Variants in ZFHX3 observed in about 807,000 individuals in gnomAD.
ZFHX3 encodes zinc finger homeobox protein 3.
In ZFHX3, 42 loss-of-function variants were observed where a neutral mutation model predicts 279.1. The ratio of observed to expected loss-of-function variants is 0.15; its 90% CI spans 0.12 to 0.19. The LOEUF (loss-of-function observed/expected upper bound fraction) is 0.19. ZFHX3 is among the 10% of genes least tolerant of loss of function. The probability of loss-of-function intolerance (pLI) is 1.00; values close to 1 mark genes in which losing one functional copy is unlikely to be tolerated. For synonymous variants in ZFHX3, 2,293 were observed against 1,957.8 expected (o/e 1.17, Z -4.52); for missense variants, 4,981 against 4,754.0 (o/e 1.05, Z -1.40).
At chr16:73,391,831 A>G (rs929133383) in intron 3 of ZFHX3, among the ~76,000 whole-genome samples, 2 of 152,168 alleles carry the variant, frequency 1.3e-5, no homozygotes, top group African/African-American at 4.8e-5. Context: ...ATCTGGATAC[A>G]TTGAGAGATG....
chr16:73,215,278 C>G (rs1203817908), intron 5 of ZFHX3, among the ~76,000 whole-genome samples: 1 of 152,186 alleles, frequency 6.6e-6, no homozygotes, highest in East Asian at 1.9e-4. Flanking sequence ...CAAAGCAAAA[C>G]AGTAGTAGCT....
chr16:73,407,704 T>C (rs1567474632), intron 3 of ZFHX3, among the ~76,000 whole-genome samples: 1 of 152,202 alleles, frequency 6.6e-6, no homozygotes, highest in Non-Finnish European at 1.5e-5. Flanking sequence ...ATATAGCAAA[T>C]GCAGGTTAAG....
chr16:73,868,293 C>T (rs1182195006), intron 1 of ZFHX3, among the ~76,000 whole-genome samples: 1 of 152,210 alleles, frequency 6.6e-6, no homozygotes. Flanking sequence ...GAGGCCAAGG[C>T]AGGCGATCAC....
intron 5 of ZFHX3, among the ~76,000 whole-genome samples, chr16:73,222,887 A>C (rs1362567648): frequency 3.3e-5 from 5 of 152,188 alleles, no homozygotes; most frequent in African/African-American, 1.2e-4. Flanking sequence ...GATCACTGGA[A>C]CAGAATAAAA....
chr16:73,366,631 C>G (rs2143327587), intron 3 of ZFHX3, among the ~76,000 whole-genome samples: 1 of 149,720 alleles, frequency 6.7e-6, no homozygotes, highest in Admixed American at 6.6e-5. Flanking sequence ...GACAGATAAG[C>G]AACTCCATGG....
At position 72,957,445 on chromosome 16, in the gene ZFHX3, C is replaced by T. The variant is rs148024459; in HGVS notation, c.2701G>A (p.Ala901Thr). 1.1e-5 allele frequency: 18 copies of T among 1,609,752 alleles called. No individual in the cohort carries two copies. Among genetic ancestry groups the T allele is most frequent in the Admixed American group, 3.4e-5 (2 of 59,566 alleles). Residue 901 changes from alanine (A) to threonine (T), a missense_variant, in exon 2 of 10, where the codon GCC becomes ACC. Ala to Thr is a moderately conservative substitution (Grantham distance 58, BLOSUM62 0). Coordinates refer to ENST00000268489, the MANE Select transcript of ZFHX3 (RefSeq NM_006885.4). ...FQLDPAGPMA[A>T]MTPALVGGEI... ...TCCTCACCTAGAGCAGGCGTCATGG[C>T]GGCCATGGGCCCGGCGGGATCCAGC...
At chr16:73,218,685 C>T (rs963585773) in intron 5 of ZFHX3, among the ~76,000 whole-genome samples, 2 of 152,164 alleles carry the variant, frequency 1.3e-5, no homozygotes, top group Non-Finnish European at 2.9e-5. Flanking sequence ...AGTAGAATTG[C>T]TTGAACCCGG....
intron 3 of ZFHX3, among the ~76,000 whole-genome samples, chr16:72,915,828 C>G (rs2039428725): frequency 6.6e-6 from 1 of 151,958 alleles, no homozygotes; most frequent in South Asian, 2.1e-4. Context: ...TTATAAAATG[C>G]AGAAAAGTGT....
intron 2 of ZFHX3, among the ~76,000 whole-genome samples, chr16:73,644,675 C>T (rs1451781013): frequency 2.1e-5 from 2 of 94,912 alleles, no homozygotes; most frequent in Non-Finnish European, 5.5e-5. Context: ...CAAAATAAAA[C>T]AAAACTAAAC....
chr16:73,387,581 G>GA (rs1445809900), intron 3 of ZFHX3, among the ~76,000 whole-genome samples: 1 of 151,898 alleles, frequency 6.6e-6, no homozygotes, highest in East Asian at 1.9e-4. Context: ...AAAACCCACG[G>GA]AAAAATAGCC....
chr16:73,534,496 C>T (rs1424091474), intron 2 of ZFHX3, among the ~76,000 whole-genome samples: 1 of 152,128 alleles, frequency 6.6e-6, no homozygotes, highest in Non-Finnish European at 1.5e-5. Flanking sequence ...TGGTGTTTAT[C>T]GTTTGTCTGC....
chr16:73,529,808 C>A (rs1007325433), intron 2 of ZFHX3, among the ~76,000 whole-genome samples: 5 of 152,184 alleles, frequency 3.3e-5, no homozygotes, highest in African/African-American at 1.2e-4. Flanking sequence ...AACTGATGCA[C>A]CTGTTTCTCC....
intron 1 of ZFHX3, chr16:73,015,447 C>A (rs1008752664): frequency 6.6e-6 from 1 of 152,080 alleles, no homozygotes; most frequent in Non-Finnish European, 1.5e-5. Context: ...TATAAATATC[C>A]AAATTAACCA....
At chr16:72,877,344 C>T (rs2038338956) in intron 4 of ZFHX3, among the ~76,000 whole-genome samples, 1 of 137,558 alleles carries the variant, frequency 7.3e-6, no homozygotes, top group Non-Finnish European at 1.6e-5. Context: ...GGTGTTAAGG[C>T]ACTGTGTAGG....
chr16:73,727,150 C>A (rs1010531368), intron 1 of ZFHX3, among the ~76,000 whole-genome samples: 1 of 152,118 alleles, frequency 6.6e-6, no homozygotes, highest in Non-Finnish European at 1.5e-5. Context: ...AGAGAGGGGA[C>A]CAGATGCAGT....
At chr16:73,280,330 G>T (rs1305057510) in intron 4 of ZFHX3, among the ~76,000 whole-genome samples, 1 of 152,098 alleles carries the variant, frequency 6.6e-6, no homozygotes, top group Admixed American at 6.5e-5. Context: ...TAGAATGGGA[G>T]AAAATATTTG....
chr16:73,294,813 A>G (rs1284901017), intron 4 of ZFHX3, among the ~76,000 whole-genome samples: 1 of 109,446 alleles, frequency 9.1e-6, no homozygotes, highest in Non-Finnish European at 1.8e-5. Context: ...CTCCATCTCA[A>G]AAAAAAAAAA....
intron 1 of ZFHX3, among the ~76,000 whole-genome samples, chr16:72,961,561 C>A (rs1961580189): frequency 6.6e-6 from 1 of 152,166 alleles, no homozygotes; most frequent in Non-Finnish European, 1.5e-5. Flanking sequence ...CTCATTCACA[C>A]TCAGCCGGTG....
chr16:73,388,331 A>C (rs867383852), intron 3 of ZFHX3, among the ~76,000 whole-genome samples: 1 of 152,210 alleles, frequency 6.6e-6, no homozygotes, highest in African/African-American at 2.4e-5. Flanking sequence ...ATTGACAAAG[A>C]AAGTGGTCAG....
Sources: gnomAD v4.1 joint callset for allele counts (sites outside exome capture counted in the v4.1 genomes callset) on GRCh38, gnomAD v4.1.1 for gene constraint, MANE v1.5 for transcripts, NCBI Gene and HGNC (gene_info 2026-07-23, HGNC 2026-07-21) for gene names.